The following PDE7A variants were observed in gnomAD, a reference collection of about 807,000 sequenced individuals.
PDE7A encodes phosphodiesterase 7A.
PDE7A carries 39 observed loss-of-function variants against 64.3 expected under a neutral mutation model. The observed-to-expected ratio is 0.61, with a 90% CI of 0.47 to 0.79. The LOEUF (loss-of-function observed/expected upper bound fraction) is 0.79, where lower values mean the gene tolerates loss of function less well. Ranked by LOEUF, PDE7A falls within the 30% of genes least tolerant of loss-of-function variation. PDE7A has a pLI of 0.00. For synonymous variants in PDE7A, 203 were observed against 206.8 expected (o/e 0.98, Z 0.16); for missense variants, 470 against 582.8 (o/e 0.81, Z 1.99).
chr8:65,755,168 A>G (rs1808166598), intron 3 of PDE7A, among the ~76,000 whole-genome samples: 1 of 149,480 alleles, frequency 6.7e-6, no homozygotes, highest in African/African-American at 2.5e-5. Flanking sequence ...CTATAGGTGC[A>G]TGCCACCACG....
At chr8:65,802,098 CAACAA>C (rs1266943978) in intron 1 of PDE7A, among the ~76,000 whole-genome samples, 1 of 152,188 alleles carries the variant, frequency 6.6e-6, no homozygotes, top group Non-Finnish European at 1.5e-5. Flanking sequence ...GATCTAACAT[CAACAA>C]AACTTTCTCA....
intron 7 of PDE7A, among the ~76,000 whole-genome samples, chr8:65,730,823 T>C (rs1463645209): frequency 1.3e-5 from 2 of 152,138 alleles, no homozygotes; most frequent in African/African-American, 4.8e-5. Flanking sequence ...CTTGGGAGGC[T>C]GAGACAAGAG....
At chr8:65,818,256 T>C (rs961020279) in intron 1 of PDE7A, among the ~76,000 whole-genome samples, 2 of 152,202 alleles carry the variant, frequency 1.3e-5, no homozygotes, top group Non-Finnish European at 2.9e-5. Context: ...TCTGTTTCTT[T>C]ACGTCTTATA....
intron 1 of PDE7A, among the ~76,000 whole-genome samples, chr8:65,799,144 G>A (rs912475072): frequency 9.9e-5 from 15 of 152,144 alleles, no homozygotes; most frequent in African/African-American, 3.1e-4. Context: ...AGTGACTAAA[G>A]AGTACAATAT....
chr8:65,821,330 T>A (rs1810536427), intron 1 of PDE7A, among the ~76,000 whole-genome samples: 1 of 152,154 alleles, frequency 6.6e-6, no homozygotes, highest in South Asian at 2.1e-4. Context: ...CTGTTCCCGC[T>A]GTGAAAAGCA....
At chr8:65,773,276 T>TA (rs969401589) in intron 3 of PDE7A, among the ~76,000 whole-genome samples, 20 of 152,122 alleles carry the variant, frequency 1.3e-4, no homozygotes, top group African/African-American at 2.9e-4. Flanking sequence ...TTTTCTCTAT[T>TA]AAAAAAAACT....
chr8:65,802,781 A>G (rs1810024726), intron 1 of PDE7A, among the ~76,000 whole-genome samples: 1 of 152,184 alleles, frequency 6.6e-6, no homozygotes, highest in Admixed American at 6.5e-5. Flanking sequence ...TCCCTGCCCA[A>G]TCTCATGTTG....
intron 6 of PDE7A, among the ~76,000 whole-genome samples, chr8:65,735,778 A>T (rs1017554925): frequency 2.6e-5 from 4 of 152,144 alleles, no homozygotes; most frequent in African/African-American, 9.7e-5. Flanking sequence ...GGCACCTGCC[A>T]TCATGCTCGG....
intron 1 of PDE7A, among the ~76,000 whole-genome samples, chr8:65,830,378 T>C (rs1411596074): frequency 2.0e-5 from 3 of 152,080 alleles, no homozygotes; most frequent in Non-Finnish European, 4.4e-5. Context: ...TGGATTATTT[T>C]GTTGTTTTAT....
intron 1 of PDE7A, among the ~76,000 whole-genome samples, chr8:65,813,254 T>C (rs563582761): frequency 7.2e-5 from 11 of 152,296 alleles, no homozygotes; most frequent in African/African-American, 2.6e-4. Context: ...ACAGATATAT[T>C]AGCATAGGAA....
chr8:65,824,648 G>A (rs546157659), intron 1 of PDE7A, among the ~76,000 whole-genome samples: 2 of 152,300 alleles, frequency 1.3e-5, no homozygotes, highest in East Asian at 3.9e-4. Flanking sequence ...CATCAACTGA[G>A]GCAAGACCCT....
chr8:65,779,787 C>A lies in PDE7A; in HGVS notation c.216G>T (p.Arg72Ser). ...TTTCTGATTCAAATCCTGCTCGGCT[C>A]CTTACACGTACATCTCCTGGACAGA... ...YIRMLGDVRV[R>S]SRAGFESERR... is the part of the protein sequence containing the mutation. The change falls in exon 3 of 13, where the codon AGG becomes AGT. Residue 72 changes from arginine (R) to serine (S), a missense_variant. Transcript: ENST00000401827. 1 of 1,596,552 alleles carries A rather than the reference C, an allele frequency of 6.3e-7. No homozygotes were observed. The highest frequency in any genetic ancestry group is 8.6e-7 in the Non-Finnish European group (1 of 1,167,068).
rs1035682722 is a variant in PDE7A, at chr8:65,841,926, C to G, written c.-418G>C. 3 of 225,202 alleles carry G rather than the reference C, an allele frequency of 1.3e-5. No individual in the cohort carries two copies. Among genetic ancestry groups the G allele is most frequent in the African/African-American group, 4.8e-5 (2 of 41,624 alleles). The allele number at this position is 225,202 out of a possible 1,614,324, so 14.0% of individuals were successfully genotyped here. A position where few individuals can be genotyped will look rare whatever the true frequency, so the allele number is the denominator to read the frequency against. On this transcript the variant is annotated 5_prime_UTR_variant, in exon 1 of 13. Transcript: ENST00000401827. ...AGACAGCTGGAGCCAGCGGCCAGACCCAGGGCGCGCGGGACTCAGGAGCAG... is the reference window on the plus strand; with the variant it reads ...AGACAGCTGGAGCCAGCGGCCAGACGCAGGGCGCGCGGGACTCAGGAGCAG...
At chr8:65,827,501 A>C (rs968259399) in intron 1 of PDE7A, among the ~76,000 whole-genome samples, 1 of 152,188 alleles carries the variant, frequency 6.6e-6, no homozygotes. Flanking sequence ...ACTAGCCACC[A>C]TAACACTCAC....
chr8:65,813,586 A>G (rs1175846456), intron 1 of PDE7A, among the ~76,000 whole-genome samples: 2 of 152,234 alleles, frequency 1.3e-5, no homozygotes, highest in Admixed American at 6.5e-5. Context: ...AGTTTATTTT[A>G]TATTTGACAA....
At chr8:65,748,761 A>T (rs1807799365) in intron 3 of PDE7A, among the ~76,000 whole-genome samples, 2 of 152,194 alleles carry the variant, frequency 1.3e-5, no homozygotes, top group African/African-American at 2.4e-5. Context: ...CCTTATGTGT[A>T]TAATGGCAAT....
At chr8:65,836,852 T>C (rs1003928093) in intron 1 of PDE7A, among the ~76,000 whole-genome samples, 2 of 152,192 alleles carry the variant, frequency 1.3e-5, no homozygotes, top group African/African-American at 4.8e-5. Context: ...ATTTCCATCA[T>C]CACAGAAAGT....
intron 1 of PDE7A, among the ~76,000 whole-genome samples, chr8:65,791,103 C>A (rs777163059): frequency 2.6e-5 from 4 of 152,206 alleles, no homozygotes; most frequent in Non-Finnish European, 5.9e-5. Context: ...AAAGCGAATA[C>A]AAGATGGCTA....
chr8:65,716,909 T>C lies in PDE7A; in HGVS notation c.*2381A>G, dbSNP rs7829434. 0.4 allele frequency among the ~76,000 whole-genome samples: 61,426 copies of C among 151,924 alleles called. 14,583 individuals carry two copies. The highest frequency in any genetic ancestry group is 0.55 in the Non-Finnish European group (37,609 of 67,924). ...CCCTCAGACCTCTATACCCACACTG[T>C]CCAATATGGTAGCCACTAGCCACAT... On this transcript the variant is annotated 3_prime_UTR_variant, in exon 13 of 13. Coordinates refer to ENST00000401827, the MANE Select transcript of PDE7A (RefSeq NM_001242318.3).
Sources: allele counts gnomAD v4.1 joint callset (sites outside exome capture counted in the v4.1 genomes callset), GRCh38; gene constraint gnomAD v4.1.1; transcripts MANE v1.5; gene names NCBI Gene and HGNC (gene_info 2026-07-23, HGNC 2026-07-21).